ORC1: variants seen among roughly 807,000 people sequenced by gnomAD.
ORC1 encodes origin recognition complex subunit 1.
ORC1 carries 61 observed loss-of-function variants against 98.9 expected under a neutral mutation model. The ratio of observed to expected loss-of-function variants is 0.62; its 90% CI spans 0.50 to 0.76. The LOEUF (loss-of-function observed/expected upper bound fraction) is 0.76, where lower values mean the gene tolerates loss of function less well. Ranked by LOEUF, ORC1 falls within the 30% of genes least tolerant of loss-of-function variation. The pLI is 0.00. For missense variants in ORC1, 979 were observed against 1,072.2 expected, an observed-to-expected ratio of 0.91 and a Z score of 1.21; for synonymous variants, 385 against 406.9, an observed-to-expected ratio of 0.95 and a Z score of 0.65.
intron 15 of ORC1, among the ~76,000 whole-genome samples, 182 bp downstream of exon 15, chr1:52,375,248 T>C (rs550321298): frequency 6.6e-6 from 1 of 152,242 alleles, no homozygotes; most frequent in South Asian, 2.1e-4. Context: ...ACCTATAATA[T>C]AGCTCAATAA....
At chr1:52,376,408 G>A (rs1646995781) in intron 14 of ORC1, among the ~76,000 whole-genome samples, 2 of 152,048 alleles carry the variant, frequency 1.3e-5, no homozygotes, top group Non-Finnish European at 1.5e-5. Context: ...TCAGCTACTG[G>A]GGAGGCTGAG....
intron 14 of ORC1, among the ~76,000 whole-genome samples, chr1:52,377,646 T>C (rs1163031618): frequency 6.7e-6 from 1 of 149,434 alleles, no homozygotes; most frequent in Non-Finnish European, 1.5e-5. Flanking sequence ...TTTCCTACAA[T>C]TCTCAAGTGG....
chr1:52,395,355 G>A (rs1200596875), intron 5 of ORC1, among the ~76,000 whole-genome samples: 2 of 152,186 alleles, frequency 1.3e-5, no homozygotes, highest in Non-Finnish European at 1.5e-5. Context: ...ACCAGAAAGG[G>A]AAACAATTAA....
At chr1:52,392,599 CACATGCACACGCA>C (rs1647243161) in intron 6 of ORC1, among the ~76,000 whole-genome samples, 1 of 152,108 alleles carries the variant, frequency 6.6e-6, no homozygotes, top group Non-Finnish European at 1.5e-5. Flanking sequence ...AAAAAAAAGA[CACATGCACACGCA>C]TGTTTATAGC....
upstream of ORC1, chr1:52,405,822 C>G (rs764502325): frequency 2.4e-5 from 39 of 1,613,746 alleles, no homozygotes; most frequent in Non-Finnish European, 8.5e-6. Flanking sequence ...TAGAGTTTAT[C>G]AAAAATGAAG....
At chr1:52,378,667 A>C (rs1366367733) in intron 14 of ORC1, among the ~76,000 whole-genome samples, 2 of 151,776 alleles carry the variant, frequency 1.3e-5, no homozygotes, top group East Asian at 1.9e-4. Context: ...GTCTCAAAAA[A>C]CAATGACAAC....
upstream of ORC1, chr1:52,405,596 AG>A (rs1238186532): frequency 4.7e-6 from 6 of 1,282,442 alleles, no homozygotes; most frequent in African/African-American, 1.5e-5. Context: ...ATGTATATTT[AG>A]GAGAACCAAA....
chr1:52,378,174 G>GT (rs1420190547), intron 14 of ORC1, among the ~76,000 whole-genome samples: 1 of 151,984 alleles, frequency 6.6e-6, no homozygotes, highest in Non-Finnish European at 1.5e-5. Flanking sequence ...GTGAAACCCC[G>GT]TCTCTACTAA....
chr1:52,383,702 G>A (rs1451655437), intron 12 of ORC1, 128 bp downstream of exon 12: 20 of 1,281,832 alleles, frequency 1.6e-5, no homozygotes, highest in Admixed American at 3.7e-5. Flanking sequence ...ATTGACACAC[G>A]CCTCTCAGCA....
chr1:52,376,952 T>C (rs1423685931), intron 14 of ORC1, among the ~76,000 whole-genome samples: 1 of 152,156 alleles, frequency 6.6e-6, no homozygotes, highest in African/African-American at 2.4e-5. Context: ...GCAGAACGGA[T>C]GGCAGGAAAA....
chr1:52,399,564 C>T (rs1647595366), intron 3 of ORC1, among the ~76,000 whole-genome samples: 2 of 142,334 alleles, frequency 1.4e-5, no homozygotes, highest in South Asian at 2.2e-4. Context: ...GCAGAGCTTG[C>T]AGTGAGCCGA....
chr1:52,375,592 G>A lies in ORC1; in HGVS notation c.2141C>T (p.Ala714Val). Residue 714 changes from alanine (A) to valine (V), a missense_variant, in exon 15 of 17, where the codon GCA (alanine) becomes GTA (valine). Physicochemically the swap from Ala to Val is moderately conservative, Grantham distance 64. Transcript: ENST00000371568. ...AIQLVARKVA[A>V]LSGDARRCLD... ...GCACCGTCGTGCATCTCCAGACAGTGCTGCTACCTACAAGAGGGAATATTT... is the reference window on the plus strand; with the variant it reads ...GCACCGTCGTGCATCTCCAGACAGTACTGCTACCTACAAGAGGGAATATTT... The A allele has an allele frequency of 6.2e-7, 1 of 1,613,816 alleles. No homozygotes were observed. The highest frequency in any genetic ancestry group is 8.5e-7 in the Non-Finnish European group (1 of 1,179,974).
At position 52,376,146 on chromosome 1, in the gene ORC1, C is replaced by T. The variant is rs139525447; in HGVS notation, c.2134-547G>A. Among the ~76,000 whole-genome samples the T allele has an allele frequency of 4.7e-3, 720 of 151,990 alleles. 8 individuals are homozygous for T. The highest frequency in any genetic ancestry group is 0.016 in the African/African-American group (675 of 41,448). ...CAGAACTTTGGGAGGCCGAGGCAGG[C>T]GGATCACCTGAGGTCAGGAGTTTGA... On this transcript the variant is annotated intron_variant, in intron 14 of 16. Coordinates refer to ENST00000371568, the MANE Select transcript of ORC1 (RefSeq NM_004153.4).
chr1:52,378,626 T>C (rs1647024395), intron 14 of ORC1, among the ~76,000 whole-genome samples: 1 of 151,850 alleles, frequency 6.6e-6, no homozygotes, highest in African/African-American at 2.4e-5. Context: ...ATTGTGCTGC[T>C]GCACTCCAGC....
At chr1:52,381,875 C>T in intron 13 of ORC1, 114 bp from the exon 14 acceptor site, 4 of 1,020,216 alleles carry the variant, frequency 3.9e-6, no homozygotes, top group Non-Finnish European at 6.1e-6. Context: ...TAACAAATTA[C>T]ACATTTCATA....
intron 14 of ORC1, among the ~76,000 whole-genome samples, chr1:52,377,941 AAC>A (rs1647015525): frequency 6.6e-6 from 1 of 152,196 alleles, no homozygotes; most frequent in African/African-American, 2.4e-5. Flanking sequence ...TAGAATATAA[AAC>A]AGATTCGCTT....
intron 3 of ORC1, among the ~76,000 whole-genome samples, chr1:52,400,008 G>C (rs1344439642): frequency 1.3e-5 from 2 of 152,160 alleles, no homozygotes; most frequent in Non-Finnish European, 2.9e-5. Flanking sequence ...GCTTTCTTCA[G>C]AGAAAGACTA....
At chr1:52,404,936 C>T, upstream of ORC1, 3 of 1,594,832 alleles carry the variant, frequency 1.9e-6, no homozygotes, top group Admixed American at 1.8e-5. Context: ...TTCTCCTGAC[C>T]GAGCGCGGGT....
intron 6 of ORC1, among the ~76,000 whole-genome samples, chr1:52,392,233 C>T (rs1343504984): frequency 6.6e-6 from 1 of 151,856 alleles, no homozygotes; most frequent in East Asian, 2.0e-4. Flanking sequence ...AGGTTCACAG[C>T]ATTCTCCTGC....
Sources: gnomAD v4.1 joint callset for allele counts (sites outside exome capture counted in the v4.1 genomes callset) on GRCh38, gnomAD v4.1.1 for gene constraint, MANE v1.5 for transcripts, NCBI Gene and HGNC (gene_info 2026-07-23, HGNC 2026-07-21) for gene names.